CD2AP: variants seen among roughly 807,000 people sequenced by gnomAD.
The protein encoded by CD2AP is CD2 associated protein, also known as CD2-associated protein.
In CD2AP, 46 loss-of-function variants were observed where a neutral mutation model predicts 85.1. That is an observed-to-expected ratio of 0.54 (90% confidence interval 0.43 to 0.69). The LOEUF is 0.69. CD2AP is among the 30% of genes least tolerant of loss of function. The pLI, the probability that CD2AP is intolerant of heterozygous loss-of-function variation, is 0.00. For synonymous variants in CD2AP, 255 were observed against 252.9 expected (o/e 1.01, Z -0.08); for missense variants, 769 against 729.5 (o/e 1.05, Z -0.62).
intron 8 of CD2AP, among the ~76,000 whole-genome samples, chr6:47,578,489 A>G (rs1345380567): frequency 3.3e-5 from 5 of 152,182 alleles, no homozygotes; most frequent in African/African-American, 9.7e-5. Context: ...CTGGGATTAC[A>G]AAGCATGAAC....
chr6:47,515,848 AT>A (rs200203288), intron 2 of CD2AP, among the ~76,000 whole-genome samples: 26 of 149,908 alleles, frequency 1.7e-4, no homozygotes, highest in African/African-American at 2.2e-4. Flanking sequence ...ATGGAAGTAA[AT>A]TTTTTTTTTT....
rs760049178 is a variant in CD2AP at position 47,624,172 on chromosome 6, G to GT, written c.1879-8dup. ...GATATTTTATGTTTGCTCAATTTAT[G>GT]TTTTTTGTTTTAGATGGAAATAGAG... On this transcript the variant is annotated splice_polypyrimidine_tract_variant and intron_variant, in intron 17 of 17. Coordinates refer to ENST00000359314, the MANE Select transcript of CD2AP (RefSeq NM_012120.3). 4.4e-6 allele frequency: 7 copies of GT among 1,597,716 alleles called. No individual in the cohort carries two copies. In the Admixed American group the frequency reaches 8.3e-5, roughly 19 times the overall value.
At chr6:47,590,213 T>G (rs1768753632) in intron 11 of CD2AP, among the ~76,000 whole-genome samples, 2 of 151,960 alleles carry the variant, frequency 1.3e-5, no homozygotes, top group African/African-American at 4.8e-5. Context: ...TTAAAGTAAC[T>G]GTGCTTAATA....
chr6:47,568,198 A>G (rs985184206), intron 5 of CD2AP, among the ~76,000 whole-genome samples: 1 of 152,252 alleles, frequency 6.6e-6, no homozygotes, highest in Admixed American at 6.5e-5. Flanking sequence ...TATCGTTAAA[A>G]TAGATGCCTA....
At chr6:47,504,410 G>A (rs1451852840) in intron 2 of CD2AP, among the ~76,000 whole-genome samples, 1 of 152,134 alleles carries the variant, frequency 6.6e-6, no homozygotes, top group Admixed American at 6.5e-5. Context: ...CTCCAAGTAT[G>A]AAAACATACA....
chr6:47,622,972 C>A (rs1429748694), intron 17 of CD2AP, among the ~76,000 whole-genome samples: 3 of 152,170 alleles, frequency 2.0e-5, no homozygotes, highest in Non-Finnish European at 4.4e-5. Context: ...CCTCTTCTAC[C>A]AATTTGTTTT....
chr6:47,605,448 A>C (rs78774426), intron 13 of CD2AP, among the ~76,000 whole-genome samples: 441 of 152,104 alleles, frequency 2.9e-3, no homozygotes, highest in African/African-American at 9.5e-3. Flanking sequence ...GTCAGAGGTC[A>C]GCCAGCCTTT....
chr6:47,478,283 G>T (rs1192920205), intron 1 of CD2AP, 35 bp downstream of exon 1: 1 of 1,565,510 alleles, frequency 6.4e-7, no homozygotes, highest in Non-Finnish European at 8.7e-7. Context: ...CGCCCGTCCG[G>T]ACCTTCCAGA....
At chr6:47,550,777 A>G (rs1446657262) in intron 4 of CD2AP, among the ~76,000 whole-genome samples, 1 of 152,182 alleles carries the variant, frequency 6.6e-6, no homozygotes, top group Non-Finnish European at 1.5e-5. Flanking sequence ...TGTGGAACCA[A>G]CCTTAATGCC....
intron 5 of CD2AP, among the ~76,000 whole-genome samples, chr6:47,571,607 G>A (rs1768155461): frequency 6.6e-6 from 1 of 152,142 alleles, no homozygotes; most frequent in Non-Finnish European, 1.5e-5. Context: ...CTGTTCTTGG[G>A]TGTTGTTTTG....
chr6:47,531,770 T>C (rs1582522254), intron 2 of CD2AP, among the ~76,000 whole-genome samples: 1 of 152,154 alleles, frequency 6.6e-6, no homozygotes, highest in South Asian at 2.1e-4. Flanking sequence ...ATTTGAAGTA[T>C]GTTTTATAAG....
Position 47,606,270 on chromosome 6 carries a change from G to T in CD2AP, c.1523G>T (p.Gly508Val), listed in dbSNP as rs1345794208. ...GRRLPGRFNG[G>V]HSPTHSPEKI... ...AGGTTGCCGGGCCGTTTCAATGGTGGACATTCTGTGAGTTCATCTAATTGT... is the reference window on the plus strand; with the variant it reads ...AGGTTGCCGGGCCGTTTCAATGGTGTACATTCTGTGAGTTCATCTAATTGT... The change falls in exon 14 of 18, where the codon GGA becomes GTA. Residue 508 changes from glycine to valine, a missense_variant. Coordinates refer to ENST00000359314, the MANE Select transcript of CD2AP (RefSeq NM_012120.3). 6.4e-7 allele frequency: 1 copy of T among 1,560,988 alleles called. No homozygotes were observed. Among genetic ancestry groups the T allele is most frequent in the Admixed American group, 1.7e-5 (1 of 59,818 alleles).
intron 13 of CD2AP, among the ~76,000 whole-genome samples, chr6:47,600,727 C>CTT (rs1769106235): frequency 6.6e-6 from 1 of 151,732 alleles, no homozygotes; most frequent in Non-Finnish European, 1.5e-5. Flanking sequence ...AAAAATCATT[C>CTT]TTTTTTATTG....
chr6:47,605,031 G>A (rs1442509060), intron 13 of CD2AP, among the ~76,000 whole-genome samples: 2 of 151,978 alleles, frequency 1.3e-5, no homozygotes, highest in African/African-American at 4.8e-5. Flanking sequence ...TGATGAATAA[G>A]TTTTGTGGGC....
chr6:47,532,856 T>G (rs1287123335), intron 2 of CD2AP, among the ~76,000 whole-genome samples: 2 of 152,232 alleles, frequency 1.3e-5, no homozygotes, highest in African/African-American at 4.8e-5. Flanking sequence ...TTTATGATAC[T>G]GAGTTTTCAG....
intron 3 of CD2AP, among the ~76,000 whole-genome samples, chr6:47,541,205 GC>G (rs1292520323): frequency 1.3e-5 from 2 of 152,112 alleles, no homozygotes; most frequent in African/African-American, 4.8e-5. Flanking sequence ...CTCACTGCAA[GC>G]TCCGCTTCCC....
intron 15 of CD2AP, 87 bp downstream of exon 15, chr6:47,608,115 A>G: frequency 1.1e-6 from 1 of 938,120 alleles, no homozygotes; most frequent in Non-Finnish European, 1.7e-6. Context: ...GTTCTTTAGG[A>G]CGAATTATTT....
chr6:47,547,716 G>A (rs1037545911), intron 4 of CD2AP, among the ~76,000 whole-genome samples: 1 of 152,084 alleles, frequency 6.6e-6, no homozygotes, highest in Non-Finnish European at 1.5e-5. Flanking sequence ...AACCACCACA[G>A]AATATACATT....
At chr6:47,583,922 T>A (rs1209567662) in intron 11 of CD2AP, among the ~76,000 whole-genome samples, 1 of 152,214 alleles carries the variant, frequency 6.6e-6, no homozygotes, top group Admixed American at 6.5e-5. Flanking sequence ...AGCCAGCATT[T>A]GGTATTTTAA....
Sources: gnomAD v4.1 joint callset for allele counts (sites outside exome capture counted in the v4.1 genomes callset) on GRCh38, gnomAD v4.1.1 for gene constraint, MANE v1.5 for transcripts, NCBI Gene and HGNC (gene_info 2026-07-23, HGNC 2026-07-21) for gene names.